KMT2C: variants seen among roughly 807,000 people sequenced by gnomAD.
The protein encoded by KMT2C is lysine methyltransferase 2C.
Under a neutral mutation model 507.9 loss-of-function variants are expected in KMT2C, and 88 were observed. That is an observed-to-expected ratio of 0.17 (90% CI 0.15 to 0.21). The LOEUF is 0.21. KMT2C is among the 10% of genes least tolerant of loss of function. The pLI, the probability that KMT2C is intolerant of heterozygous loss-of-function variation, is 1.00. For missense variants in KMT2C, 4,954 were observed against 5,957.8 expected (o/e 0.83, Z 5.55); for synonymous variants, 2,049 against 2,080.8 (o/e 0.98, Z 0.42).
At chr7:152,153,907 T>A (rs1023070069) in intron 48 of KMT2C, 103 bp downstream of exon 48, 4 of 1,170,260 alleles carry the variant, frequency 3.4e-6, no homozygotes, top group Admixed American at 1.9e-5. Context: ...TGACCCTTTA[T>A]CCTCAGTGAT....
chr7:152,210,202 T>A (rs778955247), intron 23 of KMT2C, among the ~76,000 whole-genome samples: 2 of 152,120 alleles, frequency 1.3e-5, no homozygotes, highest in Non-Finnish European at 2.9e-5. Flanking sequence ...AAGACTGCAG[T>A]GGGGAACCTG....
In KMT2C at chr7:152,250,975, A is replaced by T; in HGVS notation, c.1622-9T>A. 7.0e-7 allele frequency: 1 copy of T among 1,425,650 alleles called. No homozygotes were observed. The highest frequency in any genetic ancestry group is 9.9e-7 in the Non-Finnish European group (1 of 1,011,410). 88.3% of individuals were successfully genotyped at this position (1,425,650 alleles called of 1,614,324 possible). On this transcript the variant is annotated splice_polypyrimidine_tract_variant and intron_variant, in intron 11 of 58. Coordinates refer to ENST00000262189, the MANE Select transcript of KMT2C (RefSeq NM_170606.3). ...CATTTCATTGTTATAATCTTAACAAAAAATTATTAATTCTTTAGCTCAGAA... is the reference window on the plus strand; with the variant it reads ...CATTTCATTGTTATAATCTTAACAATAAATTATTAATTCTTTAGCTCAGAA...
In KMT2C at chr7:152,434,516, C is replaced by A. The variant is rs568621514; in HGVS notation, c.161+1110G>T. Among the ~76,000 whole-genome samples the A allele has an allele frequency of 2.0e-5, 3 of 152,294 alleles. No homozygotes were observed. In the East Asian group the frequency reaches 5.8e-4, roughly 29 times the overall value. On this transcript the variant is annotated intron_variant, in intron 1 of 58. Transcript: ENST00000262189. ...AATGCACCCGAACCAAAGAAACAGC[C>A]TATCCATAAACGTGCTGGCTTCCTT...
intron 2 of KMT2C, among the ~76,000 whole-genome samples, chr7:152,357,731 C>CT (rs2097163880): frequency 1.3e-5 from 2 of 151,994 alleles, no homozygotes; most frequent in African/African-American, 4.8e-5. Context: ...CTAACTAGAC[C>CT]TTATTGGAAA....
intron 40 of KMT2C, among the ~76,000 whole-genome samples, chr7:152,170,020 G>C (rs1045083173): frequency 2.6e-5 from 4 of 152,064 alleles, no homozygotes; most frequent in Non-Finnish European, 5.9e-5. Context: ...TCCTTAACAT[G>C]AGCTGTATAC....
rs1037374634 is a variant in KMT2C, at chr7:152,194,102, A to G, written c.4567T>C (p.Leu1523=). Residue 1523 remains leucine, a synonymous_variant, in exon 31 of 59, where the codon TTA becomes CTA. Coordinates refer to ENST00000262189, the MANE Select transcript of KMT2C (RefSeq NM_170606.3). ...GCAGGACTAAGTACAGCTGTAAATA[A>G]GTCTTCAACATCTTTTCCGCCAAGC... ...PELGGKDVED[L]FTAVLSPANT... The G allele has an allele frequency of 6.3e-7, 1 of 1,581,570 alleles. No homozygotes were observed. The highest frequency in any genetic ancestry group is 1.4e-5 in the African/African-American group (1 of 73,040).
chr7:152,377,770 G>A (rs2097340824), intron 1 of KMT2C, among the ~76,000 whole-genome samples: 2 of 149,976 alleles, frequency 1.3e-5, no homozygotes. Context: ...TCCTGTAGTA[G>A]ATTTGGGCAA....
intron 18 of KMT2C, among the ~76,000 whole-genome samples, chr7:152,229,089 G>A (rs1405349813): frequency 6.6e-6 from 1 of 152,170 alleles, no homozygotes; most frequent in Non-Finnish European, 1.5e-5. Flanking sequence ...AGTGATGTTT[G>A]AAGGGCAGGG....
At chr7:152,423,063 G>A (rs1053629579) in intron 1 of KMT2C, among the ~76,000 whole-genome samples, 5 of 148,960 alleles carry the variant, frequency 3.4e-5, no homozygotes, top group African/African-American at 9.9e-5. Context: ...ATTCCCAGCC[G>A]GGTGCGGTGG....
intron 1 of KMT2C, chr7:152,367,073 A>C: frequency 1.4e-6 from 1 of 729,088 alleles, no homozygotes; most frequent in Non-Finnish European, 2.3e-6. Flanking sequence ...TGTAGTCAGA[A>C]CTCTGTGCTG....
Position 152,364,934 on chromosome 7 carries a change from G to GACACAC in KMT2C, c.162-6265_162-6260dup, listed in dbSNP as rs71198778. On this transcript the variant is annotated intron_variant, in intron 1 of 58. Transcript: ENST00000262189. ...AGCACAACAAAATCTGAAACAGACA[G>GACACAC]ACACACACACACACACACACACACA... Among the ~76,000 whole-genome samples, 1,007 of 138,132 alleles carry GACACAC rather than the reference G, an allele frequency of 7.3e-3. 7 individuals carry two copies. The highest frequency in any genetic ancestry group is 0.02 in the African/African-American group (721 of 36,550). 90.6% of individuals were successfully genotyped at this position (138,132 alleles called of 152,430 possible).
At position 152,148,325 on chromosome 7, in the gene KMT2C, C is replaced by T. The variant is rs2129095095; in HGVS notation, c.13602G>A (p.Gln4534=). 1.2e-6 allele frequency: 2 copies of T among 1,614,276 alleles called. 1 individual carries two copies. The highest frequency in any genetic ancestry group is 2.2e-5 in the South Asian group (2 of 91,088). The part of the protein sequence containing the change: ...RVYVQRDEVR[Q]IASIVQRGER... ...CTCCTCGTTGCACGATGCTAGCAAT[C>T]TGTCGCACCTCATCACGCTGAACAT... Residue 4534 remains glutamine (Q), a synonymous_variant, in exon 52 of 59, where the codon CAG becomes CAA. Coordinates refer to ENST00000262189, the MANE Select transcript of KMT2C (RefSeq NM_170606.3). This position sits in a 1 kb window ranked among gnomAD's most constrained non-coding sequence, Gnocchi z 7.1.
intron 9 of KMT2C, among the ~76,000 whole-genome samples, chr7:152,258,349 A>G (rs1325350029): frequency 6.6e-6 from 1 of 152,232 alleles, no homozygotes; most frequent in African/African-American, 2.4e-5. Context: ...GTCAGTATTA[A>G]TAAGTAAGTT....
rs2092503094 is a variant in KMT2C at position 152,162,403 on chromosome 7, G to A, written c.11174C>T (p.Thr3725Ile). 2 of 1,614,116 alleles carry A rather than the reference G, an allele frequency of 1.2e-6. No individual in the cohort carries two copies. The highest frequency in any genetic ancestry group is 1.3e-5 in the African/African-American group (1 of 74,938). Residue 3725 changes from threonine to isoleucine, a missense_variant, in exon 43 of 59, where the codon ACA becomes ATA. Physicochemically the swap from Thr to Ile is moderately conservative, Grantham distance 89. Around this residue, in one of 29 missense-constraint regions of KMT2C, gnomAD observed 801 missense variants for 751.2 expected, o/e 1.07. Coordinates refer to ENST00000262189, the MANE Select transcript of KMT2C (RefSeq NM_170606.3). The stretch of plus-strand genomic sequence containing the variant: ...CTCCTCTTGGCCTGGGCAGGACTCT[G>A]TCTCAGCCTTTTCCAGTTTTATCTC... ...TEEIKLEKAE[T>I]ESCPGQEEPK... is the part of the protein sequence containing the mutation.
At chr7:152,183,913 A>G (rs1230621324) in intron 34 of KMT2C, among the ~76,000 whole-genome samples, 1 of 151,644 alleles carries the variant, frequency 6.6e-6, no homozygotes, top group African/African-American at 2.4e-5. Flanking sequence ...AAGAAAAAGA[A>G]AAAGAAAAAT....
intron 1 of KMT2C, among the ~76,000 whole-genome samples, chr7:152,361,244 G>C (rs533828315): frequency 4.6e-5 from 7 of 152,212 alleles, no homozygotes; most frequent in Admixed American, 3.3e-4. Flanking sequence ...CAAAAAGAAA[G>C]AACATCTTTA....
At chr7:152,423,992 T>C (rs1209803508) in intron 1 of KMT2C, among the ~76,000 whole-genome samples, 1 of 152,184 alleles carries the variant, frequency 6.6e-6, no homozygotes, top group Admixed American at 6.5e-5. Flanking sequence ...TCCTCAATAA[T>C]AAAAATCTGT....
In KMT2C at chr7:152,372,301, G is replaced by A. The variant is rs549719456; in HGVS notation, c.162-13626C>T. Among the ~76,000 whole-genome samples, 6 of 151,904 alleles carry A rather than the reference G, an allele frequency of 3.9e-5. No individual in the cohort carries two copies. In the East Asian group the frequency reaches 7.8e-4, roughly 20 times the overall value. ...CTCCTGAGTAACTGGGATTACAGGCGCCCACCACCACACCCAGCTAATTTT... is the reference window on the plus strand; with the variant it reads ...CTCCTGAGTAACTGGGATTACAGGCACCCACCACCACACCCAGCTAATTTT... On this transcript the variant is annotated intron_variant, in intron 1 of 58. Transcript: ENST00000262189.
intron 9 of KMT2C, among the ~76,000 whole-genome samples, chr7:152,257,334 CAGG>C (rs767910420): frequency 3.3e-5 from 5 of 152,074 alleles, no homozygotes; most frequent in Non-Finnish European, 5.9e-5. Context: ...CGAAAAATAA[CAGG>C]AGGTTTAAAA....
Sources: gnomAD v4.1 joint callset for allele counts (sites outside exome capture counted in the v4.1 genomes callset) on GRCh38, gnomAD v4.1.1 for gene constraint, gnomAD v4.1.1 regional missense constraint, Gnocchi (gnomAD v3.1) non-coding constraint, MANE v1.5 for transcripts, NCBI Gene and HGNC (gene_info 2026-07-23, HGNC 2026-07-21) for gene names.